ITGB5: variants seen among roughly 807,000 people sequenced by gnomAD.
The protein encoded by ITGB5 is integrin beta-5.
ITGB5 carries 38 observed loss-of-function variants against 84.8 expected under a neutral mutation model. The ratio of observed to expected loss-of-function variants is 0.45; its 90% CI spans 0.35 to 0.59. The LOEUF (loss-of-function observed/expected upper bound fraction) is 0.59, where lower values mean the gene tolerates loss of function less well. ITGB5 is among the 20% of genes least tolerant of loss of function. ITGB5 has a pLI of 0.01. For synonymous variants in ITGB5, 393 were observed against 414.4 expected, an observed-to-expected ratio of 0.95 and a Z score of 0.63; for missense variants, 905 against 1,034.5, an observed-to-expected ratio of 0.87 and a Z score of 1.72.
rs1447466215 is a variant in ITGB5, at chr3:124,796,441, A to G, written c.1640T>C (p.Phe547Ser). The change falls in exon 10 of 15, where the codon TTC becomes TCC. Residue 547 changes from phenylalanine to serine, a missense_variant. Phe to Ser is a radical substitution (Grantham distance 155, BLOSUM62 -2). Transcript: ENST00000296181. ...ESEFGKIYGPFCECDNFSCAR... is the reference protein window; with the variant it reads ...ESEFGKIYGPSCECDNFSCAR... Reference sequence around the variant, plus strand: ...ACAGGAGAAGTTGTCGCACTCACAGAAAGGCCCATAGATCTTGCCAAACTC... The same window carrying G: ...ACAGGAGAAGTTGTCGCACTCACAGGAAGGCCCATAGATCTTGCCAAACTC... The G allele has an allele frequency of 1.2e-6, 2 of 1,614,122 alleles. No individual in the cohort carries two copies. Among genetic ancestry groups the G allele is most frequent in the East Asian group, 4.5e-5 (2 of 44,884 alleles).
chr3:124,870,992 T>C (rs1342917367), intron 2 of ITGB5, among the ~76,000 whole-genome samples: 1 of 151,598 alleles, frequency 6.6e-6, no homozygotes, highest in Admixed American at 6.6e-5. Context: ...CGGGCTCAAG[T>C]GATCCTCCCA....
intron 3 of ITGB5, among the ~76,000 whole-genome samples, chr3:124,857,986 A>AC: frequency 6.6e-6 from 1 of 152,102 alleles, no homozygotes; most frequent in East Asian, 1.9e-4. Flanking sequence ...ACACACACAC[A>AC]AAAAAATTAG....
intron 3 of ITGB5, among the ~76,000 whole-genome samples, chr3:124,851,906 C>G (rs899992181): frequency 1.8e-4 from 27 of 152,076 alleles, no homozygotes; most frequent in African/African-American, 5.3e-4. Context: ...TCCAGTGTAC[C>G]AACAACTCCC....
chr3:124,816,566 G>A (rs1251729427), intron 8 of ITGB5, among the ~76,000 whole-genome samples: 1 of 152,184 alleles, frequency 6.6e-6, no homozygotes, highest in African/African-American at 2.4e-5. Flanking sequence ...GGTAGGCAAT[G>A]GATGCCATAA....
intron 3 of ITGB5, 151 bp from the exon 4 acceptor site, chr3:124,848,709 A>AAGGGAATACGGTGCTGAGAATGGAGGC (rs2065111347): frequency 7.8e-6 from 6 of 766,938 alleles, no homozygotes; most frequent in Non-Finnish European, 1.0e-5. Flanking sequence ...AAAGTGCCTG[A>AAGGGAATACGGTGCTGAGAATGGAGGC]AGGGAATACG....
chr3:124,889,876 G>A (rs1205464672), upstream of ITGB5, among the ~76,000 whole-genome samples: 1 of 152,144 alleles, frequency 6.6e-6, no homozygotes, highest in African/African-American at 2.4e-5. Context: ...GCTGGGCATG[G>A]TGGTGGGTGC....
intron 10 of ITGB5, among the ~76,000 whole-genome samples, chr3:124,776,564 C>T (rs2063929552): frequency 6.6e-6 from 1 of 152,220 alleles, no homozygotes; most frequent in African/African-American, 2.4e-5. Context: ...ATCCACCTGT[C>T]TGCCCTTCCA....
chr3:124,871,055 AATTTTTTGT>A (rs1205631246), intron 2 of ITGB5, among the ~76,000 whole-genome samples: 1 of 151,910 alleles, frequency 6.6e-6, no homozygotes, highest in African/African-American at 2.4e-5. Context: ...ACACCCAGCT[AATTTTTTGT>A]ATTTTTTGTA....
At chr3:124,875,988 G>A (rs1284704537) in intron 1 of ITGB5, among the ~76,000 whole-genome samples, 1 of 152,150 alleles carries the variant, frequency 6.6e-6, no homozygotes, top group African/African-American at 2.4e-5. Flanking sequence ...ATGGCTGGTG[G>A]GGTTGAGGTG....
intron 12 of ITGB5, among the ~76,000 whole-genome samples, chr3:124,768,369 TCACCACAGAAAGAAATCCA>T (rs376096658): frequency 1.3e-5 from 2 of 152,352 alleles, no homozygotes; most frequent in Non-Finnish European, 2.9e-5. Flanking sequence ...AATATTTCCA[TCACCACAGAAAGAAATCCA>T]CACCTGTTAG....
intron 11 of ITGB5, among the ~76,000 whole-genome samples, chr3:124,772,152 G>A (rs139002871): frequency 6.6e-6 from 1 of 152,286 alleles, no homozygotes; most frequent in African/African-American, 2.4e-5. Flanking sequence ...CAGCTATCTG[G>A]GCTCCAGATC....
At chr3:124,897,315 T>C (rs1935123595) in intron 1 of ITGB5, among the ~76,000 whole-genome samples, 1 of 152,164 alleles carries the variant, frequency 6.6e-6, no homozygotes, top group Admixed American at 6.5e-5. Context: ...CTGATCAACC[T>C]AGTATGTTGC....
intron 3 of ITGB5, chr3:124,857,212 G>A (rs746816286): frequency 1.3e-5 from 2 of 152,288 alleles, no homozygotes; most frequent in South Asian, 4.1e-4. Context: ...CAACAACAAC[G>A]AGCTTTACTG....
intron 5 of ITGB5, 55 bp downstream of exon 5, chr3:124,841,328 G>A: frequency 6.4e-7 from 1 of 1,554,694 alleles, no homozygotes. Context: ...AACACCCACT[G>A]ACGCTCTCTA....
intron 5 of ITGB5, among the ~76,000 whole-genome samples, chr3:124,835,564 C>G (rs901733626): frequency 1.3e-5 from 2 of 152,218 alleles, no homozygotes; most frequent in African/African-American, 4.8e-5. Context: ...ACCTGTGGTG[C>G]GATCTGCTAG....
At chr3:124,764,334 C>A in intron 14 of ITGB5, 57 bp downstream of exon 14, 2 of 1,555,704 alleles carry the variant, frequency 1.3e-6, no homozygotes, top group South Asian at 1.2e-5. Context: ...TACCGCTGAA[C>A]TCAACCACGC....
chr3:124,796,278 C>A (rs2064221757), intron 10 of ITGB5, 110 bp downstream of exon 10: 3 of 1,002,976 alleles, frequency 3.0e-6, no homozygotes, highest in East Asian at 2.4e-5. Context: ...CAAGGAGAGC[C>A]ATGGTAGTGA....
rs2063710541 is a variant in ITGB5, at chr3:124,762,608, A to T, written c.*1015T>A. The T allele has an allele frequency of 6.6e-6, 1 of 152,226 alleles. No homozygotes were observed. Among genetic ancestry groups the T allele is most frequent in the African/African-American group, 2.4e-5 (1 of 41,448 alleles). 9.4% of individuals were successfully genotyped at this position (152,226 alleles called of 1,614,324 possible). On this transcript the variant is annotated 3_prime_UTR_variant, in exon 15 of 15. Coordinates refer to ENST00000296181, the MANE Select transcript of ITGB5 (RefSeq NM_002213.5). ...CCTTGGAAGGGAACTGCTATTGCTA[A>T]TGATGATTAAGAGATGACTTCGTGT...
At chr3:124,890,067 C>T (rs1442768904), upstream of ITGB5, among the ~76,000 whole-genome samples, 2 of 152,034 alleles carry the variant, frequency 1.3e-5, no homozygotes, top group African/African-American at 2.4e-5. Flanking sequence ...TGAGATGTTG[C>T]GTGCCAAGTG....
Sources: allele counts gnomAD v4.1 joint callset (sites outside exome capture counted in the v4.1 genomes callset), GRCh38; gene constraint gnomAD v4.1.1; transcripts MANE v1.5; gene names NCBI Gene and HGNC (gene_info 2026-07-23, HGNC 2026-07-21).